The following MDGA2 variants were observed in gnomAD, a reference collection of about 807,000 sequenced individuals.
MDGA2 encodes MAM domain-containing glycosylphosphatidylinositol anchor protein 2.
In MDGA2, 40 loss-of-function variants were observed where a neutral mutation model predicts 117.8. The ratio of observed to expected loss-of-function variants is 0.34; its 90% CI spans 0.26 to 0.44. MDGA2 has a LOEUF of 0.44. Among genes scored for constraint, MDGA2 ranks in the 20% least tolerant of loss-of-function variants. MDGA2 has a pLI of 1.00. For synonymous variants in MDGA2, 452 were observed against 439.0 expected (o/e 1.03, Z -0.37); for missense variants, 1,123 against 1,250.6 (o/e 0.90, Z 1.54).
At chr14:47,619,637 C>G (rs1897014146) in intron 1 of MDGA2, among the ~76,000 whole-genome samples, 1 of 152,134 alleles carries the variant, frequency 6.6e-6, no homozygotes, top group Admixed American at 6.6e-5. Flanking sequence ...GCACGTAGCA[C>G]AACTCACAGA....
intron 6 of MDGA2, among the ~76,000 whole-genome samples, chr14:47,077,742 T>C (rs1890547942): frequency 1.3e-5 from 2 of 152,040 alleles, no homozygotes; most frequent in Non-Finnish European, 2.9e-5. Context: ...CTATATATTT[T>C]ACAATGGTAA....
At chr14:46,988,567 G>A (rs1450661441) in intron 8 of MDGA2, among the ~76,000 whole-genome samples, 1 of 151,980 alleles carries the variant, frequency 6.6e-6, no homozygotes, top group Admixed American at 6.6e-5. Flanking sequence ...TTATGGTCAG[G>A]AAGAAGCTAA....
chr14:46,948,123 GCT>G (rs1885238491), intron 9 of MDGA2, among the ~76,000 whole-genome samples: 1 of 151,762 alleles, frequency 6.6e-6, no homozygotes, highest in South Asian at 2.1e-4. Flanking sequence ...TTTCTGCAAT[GCT>G]CTTTTTTCTT....
intron 6 of MDGA2, among the ~76,000 whole-genome samples, chr14:47,067,979 CATT>C (rs1329121873): frequency 1.3e-5 from 2 of 152,026 alleles, no homozygotes; most frequent in Admixed American, 1.3e-4. Context: ...AATGGAAGTT[CATT>C]AATAATGCAA....
intron 1 of MDGA2, among the ~76,000 whole-genome samples, chr14:47,584,728 C>T (rs1896292450): frequency 6.6e-6 from 1 of 151,716 alleles, no homozygotes; most frequent in South Asian, 2.1e-4. Context: ...ATTTCTTTTT[C>T]CCTACTAATA....
Position 47,429,277 on chromosome 14 carries a change from G to GAT in MDGA2, c.281-127729_281-127728dup, listed in dbSNP as rs35471496. On this transcript the variant is annotated intron_variant, in intron 1 of 16. Transcript: ENST00000399232. The stretch of plus-strand genomic sequence containing the variant: ...AATTTATATAATTAACAAATATGAA[G>GAT]ATATATATATATATACACACATATA... Among the ~76,000 whole-genome samples, 480 of 149,486 alleles carry GAT rather than the reference G, an allele frequency of 3.2e-3. 2 individuals are homozygous for GAT. Among genetic ancestry groups the GAT allele is most frequent in the East Asian group, 0.01 (52 of 5,104 alleles).
intron 10 of MDGA2, among the ~76,000 whole-genome samples, chr14:46,915,188 A>G (rs1443272453): frequency 6.6e-6 from 1 of 152,168 alleles, no homozygotes; most frequent in Non-Finnish European, 1.5e-5. Context: ...AGAATTCAAG[A>G]GTGATTTCTT....
chr14:47,503,484 G>A (rs969189247), intron 1 of MDGA2, among the ~76,000 whole-genome samples: 5 of 147,976 alleles, frequency 3.4e-5, no homozygotes, highest in East Asian at 4.0e-4. Context: ...GTGCAGTGGC[G>A]CAATCTCAGC....
intron 1 of MDGA2, among the ~76,000 whole-genome samples, chr14:47,303,949 G>A (rs188472135): frequency 3.9e-5 from 6 of 152,196 alleles, no homozygotes; most frequent in Admixed American, 3.9e-4. Context: ...AGCACACTGT[G>A]ACATTTACAA....
chr14:47,546,407 A>G (rs940737690), intron 1 of MDGA2, among the ~76,000 whole-genome samples: 7 of 152,196 alleles, frequency 4.6e-5, no homozygotes, highest in African/African-American at 1.7e-4. Flanking sequence ...AATAATGTGG[A>G]CTAATTTTGT....
At chr14:47,462,571 A>G (rs986854433) in intron 1 of MDGA2, among the ~76,000 whole-genome samples, 1 of 152,172 alleles carries the variant, frequency 6.6e-6, no homozygotes, top group African/African-American at 2.4e-5. Flanking sequence ...CTGCCAGAAT[A>G]TAAGTTACAT....
In MDGA2 at chr14:47,238,570, T is replaced by C. The variant is rs1886941045; in HGVS notation, c.421-20375A>G. Among the ~76,000 whole-genome samples, 3 of 151,770 alleles carry C rather than the reference T, an allele frequency of 2.0e-5. No individual in the cohort carries two copies. The South Asian group carries it at 6.3e-4, about 32-fold the overall frequency. On this transcript the variant is annotated intron_variant, in intron 2 of 16. Transcript: ENST00000399232. ...AAAACCCAGATTACCTATTTAGGAA[T>C]AATAAAAACATCAACATTATTAATT...
chr14:47,196,274 T>C (rs573594428), intron 3 of MDGA2, among the ~76,000 whole-genome samples: 2 of 152,236 alleles, frequency 1.3e-5, no homozygotes, highest in Admixed American at 6.5e-5. Context: ...AAACATATTA[T>C]AGGAGAGTAT....
chr14:47,629,676 C>T (rs1479703218), intron 1 of MDGA2, among the ~76,000 whole-genome samples: 1 of 152,064 alleles, frequency 6.6e-6, no homozygotes, highest in African/African-American at 2.4e-5. Flanking sequence ...AAAATGTAAC[C>T]CTTATTACTT....
At chr14:47,208,620 C>G (rs1885773562) in intron 3 of MDGA2, among the ~76,000 whole-genome samples, 1 of 150,690 alleles carries the variant, frequency 6.6e-6, no homozygotes, top group Non-Finnish European at 1.5e-5. Flanking sequence ...TCAGAGGGCT[C>G]CATGAACCGC....
At position 47,400,336 on chromosome 14, in the gene MDGA2, T is replaced by G. The variant is rs188319320; in HGVS notation, c.281-98786A>C. Among the ~76,000 whole-genome samples, 55 of 152,314 alleles carry G rather than the reference T, an allele frequency of 3.6e-4. No individual in the cohort carries two copies. The South Asian group carries it at 6.4e-3, about 18-fold the overall frequency. Reference sequence around the variant, plus strand: ...TTCCCTTCTTTTTATGACTATTATTTTTTCTTTATTGTTTTCTGCAACTTA... The same window carrying G: ...TTCCCTTCTTTTTATGACTATTATTGTTTCTTTATTGTTTTCTGCAACTTA... On this transcript the variant is annotated intron_variant, in intron 1 of 16. Transcript: ENST00000399232.
At chr14:47,280,310 A>C in intron 2 of MDGA2, among the ~76,000 whole-genome samples, 1 of 102,196 alleles carries the variant, frequency 9.8e-6, no homozygotes, top group Non-Finnish European at 1.9e-5. Flanking sequence ...GTGAAACTCC[A>C]TCTCAAAAAA....
intron 7 of MDGA2, among the ~76,000 whole-genome samples, chr14:47,042,606 T>C (rs1251777865): frequency 6.6e-6 from 1 of 152,176 alleles, no homozygotes; most frequent in African/African-American, 2.4e-5. Flanking sequence ...CACATGGATA[T>C]ACTCGGATTT....
At chr14:47,260,214 T>C (rs1467744288) in intron 2 of MDGA2, among the ~76,000 whole-genome samples, 1 of 152,122 alleles carries the variant, frequency 6.6e-6, no homozygotes, top group Non-Finnish European at 1.5e-5. Context: ...AATGAATCTT[T>C]AAATTGATGC....
Sources: gnomAD v4.1 joint callset for allele counts (sites outside exome capture counted in the v4.1 genomes callset) on GRCh38, gnomAD v4.1.1 for gene constraint, MANE v1.5 for transcripts, NCBI Gene and HGNC (gene_info 2026-07-23, HGNC 2026-07-21) for gene names.